NBEA: variants seen among roughly 807,000 people sequenced by gnomAD.
The protein encoded by NBEA is neurobeachin.
In NBEA, 44 loss-of-function variants were observed where a neutral mutation model predicts 343.4. The observed-to-expected ratio is 0.13, with a 90% CI of 0.10 to 0.16. NBEA has a LOEUF of 0.16. NBEA is among the 10% of genes least tolerant of loss of function. The pLI is 1.00. For missense variants in NBEA, 2,555 were observed against 3,631.3 expected (o/e 0.70, Z 7.62); for synonymous variants, 1,175 against 1,238.7 (o/e 0.95, Z 1.08).
chr13:35,573,892 C>T (rs895018350), intron 45 of NBEA, among the ~76,000 whole-genome samples: 1 of 152,136 alleles, frequency 6.6e-6, no homozygotes, highest in African/African-American at 2.4e-5. Flanking sequence ...AATTCAGTCT[C>T]CTTTAACCTT....
chr13:35,318,886 G>T (rs2037935873), intron 36 of NBEA, among the ~76,000 whole-genome samples: 1 of 152,126 alleles, frequency 6.6e-6, no homozygotes, highest in Non-Finnish European at 1.5e-5. Flanking sequence ...TAGTTTATTT[G>T]CATAGAGGTG....
intron 38 of NBEA, among the ~76,000 whole-genome samples, chr13:35,411,315 C>G (rs1337369845): frequency 1.3e-5 from 2 of 152,138 alleles, no homozygotes; most frequent in Non-Finnish European, 2.9e-5. Context: ...GTAAGCCGAA[C>G]CAGTTGAGAT....
At chr13:35,217,999 A>G (rs1438633433) in intron 33 of NBEA, among the ~76,000 whole-genome samples, 1 of 151,964 alleles carries the variant, frequency 6.6e-6, no homozygotes, top group Admixed American at 6.6e-5. Context: ...AATTCTATTC[A>G]CCTTGGCCGT....
At chr13:35,504,860 G>A (rs1048488138) in intron 41 of NBEA, among the ~76,000 whole-genome samples, 8 of 151,936 alleles carry the variant, frequency 5.3e-5, no homozygotes, top group Non-Finnish European at 8.8e-5. Context: ...AGTCCTCCCC[G>A]CTTGGCCTCC....
chr13:35,375,021 A>T (rs1180149232), intron 38 of NBEA, among the ~76,000 whole-genome samples: 1 of 152,160 alleles, frequency 6.6e-6, no homozygotes, highest in Non-Finnish European at 1.5e-5. Flanking sequence ...TCAATACCAT[A>T]AGGCAGAAAT....
intron 34 of NBEA, 33 bp downstream of exon 34, chr13:35,232,652 C>G (rs2075036960): frequency 7.2e-7 from 1 of 1,398,396 alleles, no homozygotes. Flanking sequence ...ATTTTAGTTT[C>G]CTATAATGTA....
Position 35,182,895 on chromosome 13 carries a change from G to A in NBEA, c.4831+367G>A, listed in dbSNP as rs373810683. On this transcript the variant is annotated intron_variant, in intron 29 of 58. Coordinates refer to ENST00000379939, the MANE Select transcript of NBEA (RefSeq NM_001385012.1). ...ATTATAGAGTTGTTCAATGCCAAGG[G>A]TAAGCCAAAATACAAATCTTTGTAG... Among the ~76,000 whole-genome samples the A allele has an allele frequency of 3.2e-4, 49 of 151,998 alleles. No individual in the cohort carries two copies. In the East Asian group the frequency reaches 5.2e-3, roughly 16 times the overall value.
Position 35,554,986 on chromosome 13 carries a change from G to T in NBEA, c.6807-1G>T. On this transcript the variant is annotated splice_acceptor_variant, in intron 43 of 58. Coordinates refer to ENST00000379939, the MANE Select transcript of NBEA (RefSeq NM_001385012.1). LOFTEE classifies it high-confidence loss of function. ...TTTGTTATGCTGTGCTTAATTGCTA[G>T]GAGGATATCATTGGCCACTCCTCGA... 6.4e-7 allele frequency: 1 copy of T among 1,560,612 alleles called. No individual in the cohort carries two copies. Among genetic ancestry groups the T allele is most frequent in the Non-Finnish European group, 8.8e-7 (1 of 1,134,674 alleles).
At chr13:35,199,945 C>A (rs1329959540) in intron 31 of NBEA, among the ~76,000 whole-genome samples, 5 of 151,992 alleles carry the variant, frequency 3.3e-5, no homozygotes, top group Non-Finnish European at 7.4e-5. Flanking sequence ...ACTCAGTGAT[C>A]CGAACAGATG....
intron 38 of NBEA, among the ~76,000 whole-genome samples, chr13:35,391,001 G>A (rs2042472387): frequency 6.6e-6 from 1 of 152,150 alleles, no homozygotes; most frequent in South Asian, 2.1e-4. Flanking sequence ...CATTCCAGGT[G>A]CAGTGGCTCA....
chr13:35,013,405 CT>C (rs2061549871), intron 1 of NBEA, among the ~76,000 whole-genome samples: 1 of 151,834 alleles, frequency 6.6e-6, no homozygotes, highest in Non-Finnish European at 1.5e-5. Flanking sequence ...CAGAGATACA[CT>C]TCGGACATAT....
chr13:34,951,001 T>A lies in NBEA; in HGVS notation c.294+7887T>A, dbSNP rs529889828. Among the ~76,000 whole-genome samples, 392 of 152,260 alleles carry A rather than the reference T, an allele frequency of 2.6e-3. 3 individuals carry two copies. Among genetic ancestry groups the A allele is most frequent in the South Asian group, 0.02 (94 of 4,820 alleles). On this transcript the variant is annotated intron_variant, in intron 1 of 58. Transcript: ENST00000379939. ...TCCTGTCTCACAAAAAAAGAAATGA[T>A]GATTGTTTGCTAGGGCAAGTTAAAA...
intron 1 of NBEA, among the ~76,000 whole-genome samples, chr13:34,958,703 A>G (rs2059571784): frequency 1.3e-5 from 2 of 152,104 alleles, no homozygotes; most frequent in South Asian, 4.1e-4. Flanking sequence ...ATAAGAGAAA[A>G]GGTGGAGGAA....
intron 1 of NBEA, among the ~76,000 whole-genome samples, chr13:35,010,740 AAATATATATATATATAT>A (rs1213331493): frequency 5.9e-5 from 2 of 33,630 alleles, no homozygotes; most frequent in African/African-American, 1.9e-4. Context: ...AAAAAAAAAA[AAATATATATATATATAT>A]ATATATATAT....
intron 1 of NBEA, among the ~76,000 whole-genome samples, chr13:34,988,211 C>A (rs554485236): frequency 6.6e-6 from 1 of 150,972 alleles, no homozygotes; most frequent in Non-Finnish European, 1.5e-5. Flanking sequence ...TCAGTCGGCC[C>A]CTACTGGGAG....
intron 1 of NBEA, among the ~76,000 whole-genome samples, chr13:35,015,665 C>T (rs1480309130): frequency 6.6e-6 from 1 of 151,486 alleles, no homozygotes; most frequent in Non-Finnish European, 1.5e-5. Context: ...GAAAATTAGC[C>T]TTCAGAAAAA....
chr13:35,270,066 T>G (rs74048969), intron 34 of NBEA, among the ~76,000 whole-genome samples: 6,437 of 152,292 alleles, frequency 0.042, 155 homozygotes, highest in South Asian at 0.078. Context: ...TGACTTGACC[T>G]GATGTTCTGA....
At chr13:34,995,474 C>T (rs769100287) in intron 1 of NBEA, among the ~76,000 whole-genome samples, 1 of 151,716 alleles carries the variant, frequency 6.6e-6, no homozygotes, top group Non-Finnish European at 1.5e-5. Flanking sequence ...TCAGAGGTTG[C>T]CTGAGCAAAA....
At chr13:35,193,185 G>C (rs2072325271) in intron 30 of NBEA, among the ~76,000 whole-genome samples, 1 of 151,880 alleles carries the variant, frequency 6.6e-6, no homozygotes, top group Admixed American at 6.6e-5. Flanking sequence ...CTCAAAAAAT[G>C]TACAATCCAT....
Sources: allele counts gnomAD v4.1 joint callset (sites outside exome capture counted in the v4.1 genomes callset), GRCh38; gene constraint gnomAD v4.1.1; transcripts MANE v1.5; gene names NCBI Gene and HGNC (gene_info 2026-07-23, HGNC 2026-07-21).